HIBCH: variants seen among roughly 807,000 people sequenced by gnomAD.
The protein encoded by HIBCH is 3-hydroxyisobutyryl-CoA hydrolase, also known as 3-hydroxyisobutyryl-CoA hydrolase, mitochondrial.
A neutral mutation model predicts 58.2 loss-of-function variants in HIBCH; 50 were observed. That is an observed-to-expected ratio of 0.86 (90% confidence interval 0.68 to 1.09). HIBCH has a LOEUF of 1.09. HIBCH is among the 50% of genes least tolerant of loss of function. The probability of loss-of-function intolerance (pLI) is 0.00; values close to 1 mark genes in which losing one functional copy is unlikely to be tolerated. For synonymous variants in HIBCH, 151 were observed against 146.9 expected (o/e 1.03, Z -0.20); for missense variants, 450 against 449.7 (o/e 1.00, Z -0.01).
At chr2:190,285,803 C>T (rs540694689) in intron 6 of HIBCH, among the ~76,000 whole-genome samples, 2 of 152,116 alleles carry the variant, frequency 1.3e-5, no homozygotes, top group South Asian at 4.2e-4. Flanking sequence ...GACAGCTGGC[C>T]GTAAAGAAGT....
chr2:190,253,927 G>A (rs1172902892), intron 7 of HIBCH, among the ~76,000 whole-genome samples: 1 of 151,956 alleles, frequency 6.6e-6, no homozygotes, highest in East Asian at 1.9e-4. Flanking sequence ...TTCTCTTCCA[G>A]GGTACCACAT....
intron 1 of HIBCH, among the ~76,000 whole-genome samples, chr2:190,190,348 G>A (rs559395773): frequency 6.6e-6 from 1 of 152,212 alleles, no homozygotes; most frequent in Non-Finnish European, 1.5e-5. Context: ...ACATGTCTGA[G>A]ATTCATCCAT....
At chr2:190,305,338 G>A (rs1415080040) in intron 2 of HIBCH, among the ~76,000 whole-genome samples, 1 of 152,084 alleles carries the variant, frequency 6.6e-6, no homozygotes, top group South Asian at 2.1e-4. Context: ...AAATCAAGGG[G>A]TCAGCAGGGC....
intron 1 of HIBCH, among the ~76,000 whole-genome samples, chr2:190,317,355 C>T (rs3791806): frequency 0.23 from 34,822 of 152,154 alleles, 4,171 homozygotes; most frequent in East Asian, 0.32. Context: ...TCCTTTCAGA[C>T]TCCAAGGGCC....
chr2:190,312,065 T>C (rs752297034), intron 1 of HIBCH, among the ~76,000 whole-genome samples: 1 of 152,038 alleles, frequency 6.6e-6, no homozygotes, highest in African/African-American at 2.4e-5. Flanking sequence ...TTCAGAACGG[T>C]GTACTCAAGT....
chr2:190,291,104 C>G (rs1163861466), intron 4 of HIBCH, among the ~76,000 whole-genome samples: 1 of 152,098 alleles, frequency 6.6e-6, no homozygotes, highest in East Asian at 1.9e-4. Context: ...CATACATTTC[C>G]TTTGGTAATA....
chr2:190,263,903 T>C (rs1340768748), intron 6 of HIBCH, among the ~76,000 whole-genome samples: 6 of 151,714 alleles, frequency 4.0e-5, no homozygotes, highest in African/African-American at 9.7e-5. Context: ...GACCCCACAA[T>C]GTAATCTATG....
rs1352010630 is a variant in HIBCH at position 190,207,755 on chromosome 2, C to G, written c.1045+1125G>C. 6.6e-6 allele frequency among the ~76,000 whole-genome samples: 1 copy of G among 152,084 alleles called. No homozygotes were observed. The highest frequency in any genetic ancestry group is 1.5e-5 in the Non-Finnish European group (1 of 68,010). ...AATCAGCTAGGCGTGGTGGCATGGGCTGGTAGTCCCAGCTACTCAGGAGGC... is the reference window on the plus strand; with the variant it reads ...AATCAGCTAGGCGTGGTGGCATGGGGTGGTAGTCCCAGCTACTCAGGAGGC... On this transcript the variant is annotated intron_variant, in intron 13 of 13. Transcript: ENST00000359678. This position sits in a 1 kb window ranked among gnomAD's most constrained non-coding sequence, Gnocchi z 4.5.
chr2:190,191,051 C>CTT (rs1424531494), intron 1 of HIBCH, among the ~76,000 whole-genome samples: 1 of 152,146 alleles, frequency 6.6e-6, no homozygotes, highest in Non-Finnish European at 1.5e-5. Context: ...ATCAGCATGC[C>CTT]TTTGAGTCAT....
At chr2:190,226,260 G>C (rs866444629) in intron 11 of HIBCH, among the ~76,000 whole-genome samples, 1 of 149,910 alleles carries the variant, frequency 6.7e-6, no homozygotes, top group African/African-American at 2.5e-5. Flanking sequence ...TCTGGCCAGA[G>C]CAATCAGGCA....
chr2:190,206,900 C>T lies in HIBCH; in HGVS notation c.1046-1668G>A, dbSNP rs543805975. On this transcript the variant is annotated intron_variant, in intron 13 of 13. Coordinates refer to ENST00000359678, the MANE Select transcript of HIBCH (RefSeq NM_014362.4). This position sits in a 1 kb window ranked among gnomAD's most constrained non-coding sequence, Gnocchi z 5.1. Reference sequence around the variant, plus strand: ...CAGCACTTTGGGAGGCTGAGGTAGGCGGATTACGAGGTCAGGAGATCGAGA... The same window carrying T: ...CAGCACTTTGGGAGGCTGAGGTAGGTGGATTACGAGGTCAGGAGATCGAGA... Among the ~76,000 whole-genome samples, 11 of 152,066 alleles carry T rather than the reference C, an allele frequency of 7.2e-5. No individual in the cohort carries two copies. In the South Asian group the frequency reaches 8.3e-4, roughly 11 times the overall value.
At chr2:190,235,429 C>T (rs753864421) in intron 11 of HIBCH, among the ~76,000 whole-genome samples, 24 of 152,144 alleles carry the variant, frequency 1.6e-4, no homozygotes, top group Non-Finnish European at 2.9e-4. Context: ...GAGTTAATCA[C>T]GACCCTCAAT....
chr2:190,231,828 T>A (rs192017563), intron 11 of HIBCH, among the ~76,000 whole-genome samples: 40 of 152,128 alleles, frequency 2.6e-4, no homozygotes, highest in Admixed American at 2.4e-3. Flanking sequence ...TTCAACCTAA[T>A]CTGCAAACCA....
chr2:190,297,045 A>G (rs2105992853), intron 2 of HIBCH, 92 bp from the exon 3 acceptor site: 1 of 1,173,922 alleles, frequency 8.5e-7, no homozygotes, highest in East Asian at 2.4e-5. Context: ...CAAATCTTGC[A>G]TATTAATGGT....
At chr2:190,247,150 C>CT (rs1686632094) in intron 9 of HIBCH, among the ~76,000 whole-genome samples, 1 of 152,100 alleles carries the variant, frequency 6.6e-6, no homozygotes, top group African/African-American at 2.4e-5. Context: ...ACTCTAAACT[C>CT]TAAGGGTTGT....
downstream of HIBCH, chr2:190,200,301 GC>G (rs1690190242): frequency 1.5e-6 from 1 of 667,616 alleles, no homozygotes; most frequent in South Asian, 2.0e-5. Context: ...AGGATGAAAT[GC>G]ATTTTAAGTA....
intron 3 of HIBCH, among the ~76,000 whole-genome samples, chr2:190,295,113 T>C (rs1455791144): frequency 6.6e-6 from 1 of 152,258 alleles, no homozygotes; most frequent in East Asian, 1.9e-4. Flanking sequence ...TCCAAGTCCT[T>C]TGGGATTGGT....
In HIBCH at chr2:190,211,863, T is replaced by C. The variant is rs1191802488; in HGVS notation, c.1011+1093A>G. 1.8e-4 allele frequency among the ~76,000 whole-genome samples: 28 copies of C among 152,208 alleles called. No homozygotes were observed. Among genetic ancestry groups the C allele is most frequent in the African/African-American group, 2.4e-5 (1 of 41,448 alleles). Reference sequence around the variant, plus strand: ...AGTGCCTGGGACATAGCTAACATATTTGCTGAGAGAATGAAGGCAAGAATC... The same window carrying C: ...AGTGCCTGGGACATAGCTAACATATCTGCTGAGAGAATGAAGGCAAGAATC... On this transcript the variant is annotated intron_variant, in intron 12 of 13. Coordinates refer to ENST00000359678, the MANE Select transcript of HIBCH (RefSeq NM_014362.4). The surrounding 1 kb of genome is among the most constrained non-coding windows in gnomAD (Gnocchi z 5.0).
At chr2:190,230,351 T>C (rs1040961449) in intron 11 of HIBCH, among the ~76,000 whole-genome samples, 1 of 152,192 alleles carries the variant, frequency 6.6e-6, no homozygotes, top group African/African-American at 2.4e-5. Context: ...CATCAAAAGA[T>C]ATTACGAACA....
Sources: gnomAD v4.1 joint callset for allele counts (sites outside exome capture counted in the v4.1 genomes callset) on GRCh38, gnomAD v4.1.1 for gene constraint, Gnocchi (gnomAD v3.1) non-coding constraint, MANE v1.5 for transcripts, NCBI Gene and HGNC (gene_info 2026-07-23, HGNC 2026-07-21) for gene names.